TRIO: variants seen among roughly 807,000 people sequenced by gnomAD.
TRIO encodes trio Rho guanine nucleotide exchange factor, also known as triple functional domain protein.
A neutral mutation model predicts 351.9 loss-of-function variants in TRIO; 58 were observed. That is an observed-to-expected ratio of 0.16 (90% CI 0.13 to 0.21). The LOEUF (loss-of-function observed/expected upper bound fraction) is 0.21. TRIO is among the 10% of genes least tolerant of loss of function. TRIO has a pLI of 1.00. For missense variants in TRIO, 3,201 were observed against 4,027.8 expected, an observed-to-expected ratio of 0.79 and a Z score of 5.56; for synonymous variants, 1,758 against 1,595.7, an observed-to-expected ratio of 1.10 and a Z score of -2.42.
Position 14,498,557 on chromosome 5 carries a change from C to T in TRIO, c.8249C>T (p.Thr2750Ile). The T allele has an allele frequency of 6.2e-7, 1 of 1,613,726 alleles. No individual in the cohort carries two copies. Among genetic ancestry groups the T allele is most frequent in the Non-Finnish European group, 8.5e-7 (1 of 1,179,876 alleles). ...GCCACGCTGAAGATTGTGGGCGTGA[C>T]CACGGAAGATGACGGCATCTACACG... ...GEATLKIVGV[T>I]TEDDGIYTCI... The change falls in exon 53 of 57, where the codon ACC becomes ATC. Residue 2750 changes from threonine to isoleucine, a missense_variant. Coordinates refer to ENST00000344204, the MANE Select transcript of TRIO (RefSeq NM_007118.4).
In TRIO at chr5:14,409,849, A is replaced by G. The variant is rs1201414462; in HGVS notation, c.4959+3177A>G. ...GACTCCATCTCAAAAAAAAAAAAAA[A>G]AAAAGAAATCCCTGAAGGGTCTCTC... On this transcript the variant is annotated intron_variant, in intron 33 of 56. Transcript: ENST00000344204. Among the ~76,000 whole-genome samples, 4 of 151,402 alleles carry G rather than the reference A, an allele frequency of 2.6e-5. No homozygotes were observed. In the South Asian group the frequency reaches 6.3e-4, roughly 24 times the overall value.
chr5:14,397,137 A>T lies in TRIO; in HGVS notation c.4406A>T (p.His1469Leu). The T allele has an allele frequency of 6.2e-7, 1 of 1,607,156 alleles. No individual in the cohort carries two copies. Among genetic ancestry groups the T allele is most frequent in the Non-Finnish European group, 8.5e-7 (1 of 1,177,602 alleles). The change falls in exon 29 of 57, where the codon CAC becomes CTC. Residue 1469 changes from histidine (H) to leucine (L), a missense_variant. By Grantham distance (99) the His-to-Leu change is moderately conservative. Around this residue, in one of 19 missense-constraint regions of TRIO, gnomAD observed 115 missense variants for 239.6 expected, o/e 0.48. Coordinates refer to ENST00000344204, the MANE Select transcript of TRIO (RefSeq NM_007118.4). Reference sequence around the variant, plus strand: ...CCGAAGCGAGCCAATGATGCCATGCACCTCAGCATGCTGGAAGGTAAAGGA... The same window carrying T: ...CCGAAGCGAGCCAATGATGCCATGCTCCTCAGCATGCTGGAAGGTAAAGGA... ...SVPKRANDAM[H>L]LSMLEGFDEN...
intron 41 of TRIO, 80 bp from the exon 42 acceptor site, chr5:14,479,181 G>A (rs758408579): frequency 2.0e-5 from 24 of 1,188,814 alleles, no homozygotes; most frequent in Non-Finnish European, 2.9e-5. Context: ...TTATGAATGT[G>A]CTGAAATGTG....
intron 1 of TRIO, among the ~76,000 whole-genome samples, chr5:14,201,716 T>C (rs1791121609): frequency 6.6e-6 from 1 of 152,194 alleles, no homozygotes; most frequent in Non-Finnish European, 1.5e-5. Context: ...TAACTCTGAA[T>C]AAATTGTTCA....
At chr5:14,233,713 A>AT (rs1195432005) in intron 1 of TRIO, among the ~76,000 whole-genome samples, 6 of 151,812 alleles carry the variant, frequency 4.0e-5, no homozygotes, top group Non-Finnish European at 5.9e-5. Flanking sequence ...AATTAAAAAT[A>AT]TTTTTTTGTA....
At chr5:14,240,867 T>C (rs1290393977) in intron 1 of TRIO, among the ~76,000 whole-genome samples, 3 of 152,228 alleles carry the variant, frequency 2.0e-5, no homozygotes, top group Non-Finnish European at 4.4e-5. Flanking sequence ...TGAGATGGTA[T>C]TCATTAAAAC....
intron 21 of TRIO, 44 bp downstream of exon 21, chr5:14,381,296 G>A: frequency 6.5e-7 from 1 of 1,546,550 alleles, no homozygotes; most frequent in Non-Finnish European, 8.7e-7. Context: ...TAAGTCGAAA[G>A]CGAGTCTTCA....
Position 14,388,690 on chromosome 5 carries a change from T to A in TRIO, c.3948+11T>A. 1.0e-6 allele frequency: 1 copy of A among 1,000,364 alleles called. No individual in the cohort carries two copies. The highest frequency in any genetic ancestry group is 1.4e-6 in the Non-Finnish European group (1 of 726,366). 62.0% of individuals were successfully genotyped at this position (1,000,364 alleles called of 1,614,324 possible). ...CGGGAATGTATGGATGTAAGTAAGT[T>A]TTTTTTTTTTTTTTTTGCTTGTTTA... On this transcript the variant is annotated intron_variant, in intron 24 of 56. Transcript: ENST00000344204.
At chr5:14,270,738 T>A (rs1795931427) in intron 1 of TRIO, 87 bp from the exon 2 acceptor site, 1 of 958,838 alleles carries the variant, frequency 1.0e-6, no homozygotes, top group Admixed American at 1.9e-5. Context: ...TGGATAAAGC[T>A]GCTGTGTTGG....
chr5:14,174,478 C>A (rs1217883078), intron 1 of TRIO, among the ~76,000 whole-genome samples: 1 of 152,206 alleles, frequency 6.6e-6, no homozygotes, highest in African/African-American at 2.4e-5. Context: ...AACTTCCTCT[C>A]ACCTTCCTAG....
At chr5:14,502,920 T>G (rs2126702282) in intron 54 of TRIO, among the ~76,000 whole-genome samples, 2 of 152,336 alleles carry the variant, frequency 1.3e-5, no homozygotes, top group Middle Eastern at 6.8e-3. Flanking sequence ...TCTGTGAATG[T>G]GGAATAGTGG....
In TRIO at chr5:14,482,858, C is replaced by T. The variant is rs563761455; in HGVS notation, c.6657+85C>T. On this transcript the variant is annotated intron_variant, in intron 46 of 56. Transcript: ENST00000344204. ...ACTGTTTCCTTTTAATGATGACATA[C>T]CCTGATGCTTCGTTTAAGTATTTGA... 8.1e-6 allele frequency: 10 copies of T among 1,237,906 alleles called. No homozygotes were observed. In the African/African-American group the frequency reaches 9.8e-5, roughly 12 times the overall value. The allele number at this position is 1,237,906 out of a possible 1,614,324, so 76.7% of individuals were successfully genotyped here.
chr5:14,251,736 C>T (rs1450212634), intron 1 of TRIO, among the ~76,000 whole-genome samples: 1 of 152,172 alleles, frequency 6.6e-6, no homozygotes, highest in Non-Finnish European at 1.5e-5. Context: ...CAATTGGGGC[C>T]TTGAATTCAC....
At chr5:14,267,924 A>T (rs1795778281) in intron 1 of TRIO, among the ~76,000 whole-genome samples, 2 of 151,928 alleles carry the variant, frequency 1.3e-5, no homozygotes, top group African/African-American at 4.8e-5. Flanking sequence ...AATAAAAGTA[A>T]CTCTTTTTCA....
intron 1 of TRIO, among the ~76,000 whole-genome samples, chr5:14,195,667 G>GTT (rs747097733): frequency 6.6e-6 from 1 of 152,180 alleles, no homozygotes; most frequent in Non-Finnish European, 1.5e-5. Context: ...CACTTTTGTA[G>GTT]TTTAAGTCCT....
chr5:14,225,249 C>A (rs200508433), intron 1 of TRIO, among the ~76,000 whole-genome samples: 1 of 152,052 alleles, frequency 6.6e-6, no homozygotes, highest in African/African-American at 2.4e-5. Flanking sequence ...TGGTATACTT[C>A]TGAGAAAAAA....
intron 2 of TRIO, 114 bp from the exon 3 acceptor site, chr5:14,280,208 C>T: frequency 1.1e-6 from 1 of 925,632 alleles, no homozygotes; most frequent in South Asian, 1.5e-5. Context: ...GACTTCTGCC[C>T]TGTGCAAATT....
At chr5:14,401,143 A>G (rs900593088) in intron 31 of TRIO, 79 bp downstream of exon 31, 2 of 1,190,914 alleles carry the variant, frequency 1.7e-6, no homozygotes, top group East Asian at 2.5e-5. Flanking sequence ...CGTTGTTTTC[A>G]TATTATTATT....
chr5:14,401,920 G>A lies in TRIO; in HGVS notation c.4716+856G>A, dbSNP rs529392624. Among the ~76,000 whole-genome samples the A allele has an allele frequency of 7.9e-5, 12 of 152,204 alleles. No homozygotes were observed. The South Asian group carries it at 1.7e-3, about 21-fold the overall frequency. On this transcript the variant is annotated intron_variant, in intron 31 of 56. Coordinates refer to ENST00000344204, the MANE Select transcript of TRIO (RefSeq NM_007118.4). ...ATGTCACCCCTTGTGTCTCTTGCAT[G>A]CTTTTTCATCTCTTTGGTATTTTCA...
Sources: allele counts gnomAD v4.1 joint callset (sites outside exome capture counted in the v4.1 genomes callset), GRCh38; gene constraint gnomAD v4.1.1; regional missense constraint gnomAD v4.1.1; transcripts MANE v1.5; gene names NCBI Gene and HGNC (gene_info 2026-07-23, HGNC 2026-07-21).